Variants in JMY observed in about 807,000 individuals in gnomAD.
The protein encoded by JMY is junction mediating and regulatory protein, p53 cofactor.
In JMY, 46 loss-of-function variants were observed where a neutral mutation model predicts 103.3. The ratio of observed to expected loss-of-function variants is 0.45; its 90% CI spans 0.35 to 0.57. JMY has a LOEUF of 0.57. Among genes scored for constraint, JMY ranks in the 20% least tolerant of loss-of-function variants. JMY has a pLI of 0.00. For synonymous variants in JMY, 526 were observed against 489.3 expected (o/e 1.07, Z -0.99); for missense variants, 1,238 against 1,255.2 (o/e 0.99, Z 0.21).
chr5:79,294,717 A>T (rs1038118081), intron 4 of JMY, among the ~76,000 whole-genome samples: 1 of 151,730 alleles, frequency 6.6e-6, no homozygotes, highest in Non-Finnish European at 1.5e-5. Flanking sequence ...AATTAGCCAG[A>T]TGTGGTGGTG....
At chr5:79,242,606 C>T (rs900457604) in intron 1 of JMY, among the ~76,000 whole-genome samples, 3 of 152,076 alleles carry the variant, frequency 2.0e-5, no homozygotes, top group East Asian at 3.8e-4. Flanking sequence ...AACCAAGCTC[C>T]GATGAAAGCC....
chr5:79,308,893 A>G (rs1220231467), intron 7 of JMY, among the ~76,000 whole-genome samples: 1 of 152,098 alleles, frequency 6.6e-6, no homozygotes, highest in East Asian at 1.9e-4. Flanking sequence ...GATCTTGTAC[A>G]CCTTTTGTAA....
At position 79,281,730 on chromosome 5, in the gene JMY, A is replaced by G. The variant is rs1030580275; in HGVS notation, c.1206+3647A>G. Among the ~76,000 whole-genome samples the G allele has an allele frequency of 1.3e-4, 20 of 152,284 alleles. 1 individual carries two copies. The highest frequency in any genetic ancestry group is 5.9e-4 in the Admixed American group (9 of 15,288). ...GAAGAATCTTTTGGAGTTGATGGAAATGGTCAGTATTTGATTAATGTTGTT... is the reference window on the plus strand; with the variant it reads ...GAAGAATCTTTTGGAGTTGATGGAAGTGGTCAGTATTTGATTAATGTTGTT... On this transcript the variant is annotated intron_variant, in intron 2 of 10. Coordinates refer to ENST00000396137, the MANE Select transcript of JMY (RefSeq NM_152405.5).
chr5:79,320,892 A>G (rs1747428771), intron 10 of JMY, among the ~76,000 whole-genome samples: 1 of 152,214 alleles, frequency 6.6e-6, no homozygotes, highest in African/African-American at 2.4e-5. Flanking sequence ...TCTCAGTTTG[A>G]ATGCTAAGGA....
chr5:79,255,754 G>A (rs1325244657), intron 1 of JMY, among the ~76,000 whole-genome samples: 1 of 152,234 alleles, frequency 6.6e-6, no homozygotes. Flanking sequence ...AAAGACTCTT[G>A]TTCTCTTCCC....
chr5:79,270,192 G>C (rs1384020107), intron 1 of JMY, among the ~76,000 whole-genome samples: 1 of 151,346 alleles, frequency 6.6e-6, no homozygotes, highest in Non-Finnish European at 1.5e-5. Context: ...ATGTTAAATA[G>C]GAGTAGTAAA....
At chr5:79,317,299 T>C (rs142453827) in intron 10 of JMY, among the ~76,000 whole-genome samples, 1 of 152,290 alleles carries the variant, frequency 6.6e-6, no homozygotes, top group East Asian at 1.9e-4. Flanking sequence ...ATAAAAATTA[T>C]CTACATATCT....
At chr5:79,289,347 C>T (rs1746358822) in intron 2 of JMY, among the ~76,000 whole-genome samples, 1 of 148,886 alleles carries the variant, frequency 6.7e-6, no homozygotes, top group Non-Finnish European at 1.5e-5. Flanking sequence ...TTAAGTGTGT[C>T]ATGGGTGGGT....
Position 79,326,696 on chromosome 5 carries a change from A to G in JMY, c.*5094A>G, listed in dbSNP as rs933015255. 3.9e-5 allele frequency: 6 copies of G among 152,292 alleles called. No homozygotes were observed. The South Asian group carries it at 8.3e-4, about 21-fold the overall frequency. 9.4% of individuals were successfully genotyped at this position (152,292 alleles called of 1,614,324 possible). On this transcript the variant is annotated 3_prime_UTR_variant, in exon 11 of 11. Coordinates refer to ENST00000396137, the MANE Select transcript of JMY (RefSeq NM_152405.5). ...GGCTAAGGAGACTGACATGATTTTT[A>G]TCGGTTCTGGGTAAATGAAAATTTT...
At chr5:79,238,251 C>T (rs1206171541) in intron 1 of JMY, among the ~76,000 whole-genome samples, 2 of 150,984 alleles carry the variant, frequency 1.3e-5, no homozygotes, top group Admixed American at 6.6e-5. Flanking sequence ...TGTTTTGTTT[C>T]TTTTTTTTTG....
chr5:79,296,359 A>G lies in JMY; in HGVS notation c.1528-3794A>G, dbSNP rs143156464. On this transcript the variant is annotated intron_variant, in intron 4 of 10. Transcript: ENST00000396137. Reference sequence around the variant, plus strand: ...ATATTTGTGCAGTTGTTACTGGTGAAACCTGTATTTATACTCAGGCTTGTC... The same window carrying G: ...ATATTTGTGCAGTTGTTACTGGTGAGACCTGTATTTATACTCAGGCTTGTC... 2.0e-5 allele frequency among the ~76,000 whole-genome samples: 3 copies of G among 152,320 alleles called. No homozygotes were observed. The East Asian group carries it at 5.8e-4, about 29-fold the overall frequency.
In JMY at chr5:79,242,637, C is replaced by T. The variant is rs538676155; in HGVS notation, c.1032+4955C>T. Reference sequence around the variant, plus strand: ...AAGCCTAGATTTGTCTTAATCCAAACGTGTGCCTTTTCTGCCATGCCTGTG... The same window carrying T: ...AAGCCTAGATTTGTCTTAATCCAAATGTGTGCCTTTTCTGCCATGCCTGTG... On this transcript the variant is annotated intron_variant, in intron 1 of 10. Coordinates refer to ENST00000396137, the MANE Select transcript of JMY (RefSeq NM_152405.5). 3.0e-4 allele frequency among the ~76,000 whole-genome samples: 45 copies of T among 152,276 alleles called. No individual in the cohort carries two copies. The South Asian group carries it at 3.3e-3, about 11-fold the overall frequency.
chr5:79,301,316 C>G (rs565832299), intron 6 of JMY, among the ~76,000 whole-genome samples: 4 of 152,196 alleles, frequency 2.6e-5, no homozygotes, highest in Non-Finnish European at 5.9e-5. Flanking sequence ...ATGTTTTGCA[C>G]TCTAGTCCAG....
chr5:79,266,963 A>C (rs1745603208), intron 1 of JMY, among the ~76,000 whole-genome samples: 1 of 152,232 alleles, frequency 6.6e-6, no homozygotes, highest in African/African-American at 2.4e-5. Flanking sequence ...ATACAATGAA[A>C]TATAACATGT....
At chr5:79,283,052 A>C (rs995138183) in intron 2 of JMY, among the ~76,000 whole-genome samples, 10 of 151,332 alleles carry the variant, frequency 6.6e-5, no homozygotes, top group Non-Finnish European at 1.5e-4. Flanking sequence ...GCTGGAGTGC[A>C]GTGGTGCAGT....
intron 10 of JMY, among the ~76,000 whole-genome samples, chr5:79,318,828 C>G (rs1213921704): frequency 1.3e-5 from 2 of 148,952 alleles, no homozygotes; most frequent in Non-Finnish European, 3.0e-5. Context: ...TTGTGAATGT[C>G]TAGACTCTCA....
intron 1 of JMY, among the ~76,000 whole-genome samples, chr5:79,248,656 G>GAA (rs544085825): frequency 1.4e-5 from 2 of 142,408 alleles, no homozygotes; most frequent in African/African-American, 2.6e-5. Flanking sequence ...GTCCCATATA[G>GAA]AAAAAAAAAA....
rs558613705 is a variant in JMY at position 79,288,274 on chromosome 5, C to T, written c.1207-1847C>T. On this transcript the variant is annotated intron_variant, in intron 2 of 10. Transcript: ENST00000396137. ...AAAGCAAGCAGGCTGGACTGCTTTC[C>T]ATCCCTTAGCAGGCACAAAAATTTT... Among the ~76,000 whole-genome samples the T allele has an allele frequency of 1.2e-4, 19 of 152,266 alleles. No homozygotes were observed. In the South Asian group the frequency reaches 3.9e-3, roughly 32 times the overall value.
At chr5:79,300,612 CT>C (rs1215703419) in intron 5 of JMY, 63 bp from the exon 6 acceptor site, 25 of 1,328,784 alleles carry the variant, frequency 1.9e-5, no homozygotes, top group Non-Finnish European at 2.3e-5. Context: ...AGATTAGAAC[CT>C]TGTTCTTTCC....
Sources: allele counts gnomAD v4.1 joint callset (sites outside exome capture counted in the v4.1 genomes callset), GRCh38; gene constraint gnomAD v4.1.1; transcripts MANE v1.5; gene names NCBI Gene and HGNC (gene_info 2026-07-23, HGNC 2026-07-21).